HTR7: variants seen among roughly 807,000 people sequenced by gnomAD.
HTR7 encodes 5-HT-7.
In HTR7, 16 loss-of-function variants were observed where a neutral mutation model predicts 34.0. The observed-to-expected ratio is 0.47, with a 90% CI of 0.32 to 0.71. The LOEUF is 0.71. Among genes scored for constraint, HTR7 ranks in the 30% least tolerant of loss-of-function variants. HTR7 has a pLI of 0.04. For synonymous variants in HTR7, 265 were observed against 260.2 expected (o/e 1.02, Z -0.18); for missense variants, 504 against 625.5 (o/e 0.81, Z 2.07).
intron 1 of HTR7, among the ~76,000 whole-genome samples, chr10:90,809,434 CTG>C (rs921232057): frequency 5.3e-5 from 8 of 152,194 alleles, no homozygotes; most frequent in African/African-American, 1.9e-4. Flanking sequence ...CATCAAAAGG[CTG>C]TCTTATTCTC....
At chr10:90,782,637 A>G (rs1223171124) in intron 1 of HTR7, among the ~76,000 whole-genome samples, 1 of 152,110 alleles carries the variant, frequency 6.6e-6, no homozygotes, top group East Asian at 1.9e-4. Flanking sequence ...TAAATAAATA[A>G]TTGTGCTCTT....
intron 1 of HTR7, among the ~76,000 whole-genome samples, chr10:90,820,947 C>T (rs1363140540): frequency 6.6e-6 from 1 of 152,042 alleles, no homozygotes; most frequent in Admixed American, 6.6e-5. Context: ...GTATTATCAA[C>T]CCAGTTTTAC....
chr10:90,777,180 G>A (rs1845229816), intron 1 of HTR7, among the ~76,000 whole-genome samples: 1 of 152,024 alleles, frequency 6.6e-6, no homozygotes, highest in Non-Finnish European at 1.5e-5. Context: ...ACTTACCTGT[G>A]GCCTTAAGAT....
At chr10:90,815,640 G>A (rs913922966) in intron 1 of HTR7, among the ~76,000 whole-genome samples, 3 of 152,114 alleles carry the variant, frequency 2.0e-5, no homozygotes, top group African/African-American at 4.8e-5. Flanking sequence ...CCTGGGTGAC[G>A]GGATGATATG....
At chr10:90,767,675 C>T (rs1471934413) in intron 1 of HTR7, among the ~76,000 whole-genome samples, 1 of 152,156 alleles carries the variant, frequency 6.6e-6, no homozygotes, top group African/African-American at 2.4e-5. Flanking sequence ...GTGCAGCTTC[C>T]ACCTTTACTG....
chr10:90,777,205 G>C (rs11186305), intron 1 of HTR7, among the ~76,000 whole-genome samples: 2 of 152,048 alleles, frequency 1.3e-5, no homozygotes, highest in Non-Finnish European at 2.9e-5. Context: ...CCTACAGGCC[G>C]GGCGTGGTGG....
chr10:90,801,115 G>T (rs1845618861), intron 1 of HTR7, among the ~76,000 whole-genome samples: 1 of 152,154 alleles, frequency 6.6e-6, no homozygotes, highest in Non-Finnish European at 1.5e-5. Context: ...CCTCTAAAAA[G>T]GGAGTTTGCT....
rs569148344 is a variant in HTR7, at chr10:90,805,569, C to T, written c.539+51564G>A. On this transcript the variant is annotated intron_variant, in intron 1 of 3. Coordinates refer to ENST00000336152, the MANE Select transcript of HTR7 (RefSeq NM_019859.4). ...GGTATGCATTTTCTACTTTCTCTCC[C>T]CTAAGAGTCATGTGTTTGGAGATGC... Among the ~76,000 whole-genome samples the T allele has an allele frequency of 2.0e-5, 3 of 152,256 alleles. No homozygotes were observed. In the South Asian group the frequency reaches 6.2e-4, roughly 32 times the overall value.
intron 1 of HTR7, among the ~76,000 whole-genome samples, chr10:90,809,664 G>A (rs1257456037): frequency 1.1e-4 from 17 of 152,302 alleles, no homozygotes; most frequent in East Asian, 5.8e-4. Context: ...GCGGCCAGGC[G>A]TTCCTCCAGA....
At chr10:90,766,817 T>A (rs941656985) in intron 1 of HTR7, among the ~76,000 whole-genome samples, 3 of 152,198 alleles carry the variant, frequency 2.0e-5, no homozygotes, top group East Asian at 1.9e-4. Context: ...TCTACAGTCA[T>A]CTCTTCAAAC....
At chr10:90,840,177 T>TCCCA (rs1478516123) in intron 1 of HTR7, among the ~76,000 whole-genome samples, 1 of 136,802 alleles carries the variant, frequency 7.3e-6, no homozygotes, top group African/African-American at 2.7e-5. Flanking sequence ...TCTCTCTCTC[T>TCCCA]CACACACACA....
intron 1 of HTR7, among the ~76,000 whole-genome samples, chr10:90,825,109 C>A (rs1589468740): frequency 6.6e-6 from 1 of 152,220 alleles, no homozygotes; most frequent in Non-Finnish European, 1.5e-5. Context: ...CAGCTCCAGG[C>A]AACTCAACAC....
At chr10:90,830,897 C>T (rs189049221) in intron 1 of HTR7, among the ~76,000 whole-genome samples, 196 of 152,208 alleles carry the variant, frequency 1.3e-3, no homozygotes, top group African/African-American at 4.7e-3. Context: ...TTGTGCCACT[C>T]ACTAGTCTTT....
intron 1 of HTR7, among the ~76,000 whole-genome samples, chr10:90,810,093 C>T (rs1845780620): frequency 6.6e-6 from 1 of 152,168 alleles, no homozygotes; most frequent in Non-Finnish European, 1.5e-5. Flanking sequence ...GTTTCTAAAC[C>T]TCTTAAAACT....
intron 1 of HTR7, among the ~76,000 whole-genome samples, chr10:90,827,525 A>G (rs1846096908): frequency 6.6e-6 from 1 of 152,224 alleles, no homozygotes; most frequent in Non-Finnish European, 1.5e-5. Context: ...ACTGAAAAAA[A>G]AGAATGGAAA....
At chr10:90,798,200 G>A (rs1263292790) in intron 1 of HTR7, among the ~76,000 whole-genome samples, 2 of 152,164 alleles carry the variant, frequency 1.3e-5, no homozygotes, top group Non-Finnish European at 2.9e-5. Flanking sequence ...TTCTTCTCAA[G>A]CAGCAGAAGA....
chr10:90,825,126 A>G (rs1336311783), intron 1 of HTR7, among the ~76,000 whole-genome samples: 1 of 152,224 alleles, frequency 6.6e-6, no homozygotes, highest in Non-Finnish European at 1.5e-5. Flanking sequence ...ACACAGAGAG[A>G]GAAGCTCCAT....
At chr10:90,754,099 A>G (rs760668729) in intron 1 of HTR7, among the ~76,000 whole-genome samples, 57 of 152,258 alleles carry the variant, frequency 3.7e-4, no homozygotes, top group Non-Finnish European at 7.5e-4. Flanking sequence ...AAAAGATTTA[A>G]GAGGATTCTG....
At chr10:90,855,892 T>C (rs1042180141) in intron 1 of HTR7, among the ~76,000 whole-genome samples, 3 of 152,230 alleles carry the variant, frequency 2.0e-5, no homozygotes, top group African/African-American at 7.2e-5. Context: ...CTTGAAAATA[T>C]TCCCTTTTCT....
Sources: gnomAD v4.1 joint callset for allele counts (sites outside exome capture counted in the v4.1 genomes callset) on GRCh38, gnomAD v4.1.1 for gene constraint, MANE v1.5 for transcripts, NCBI Gene and HGNC (gene_info 2026-07-23, HGNC 2026-07-21) for gene names.